The following MLXIP variants were observed in gnomAD, a reference collection of about 807,000 sequenced individuals.
The protein encoded by MLXIP is MLX interacting protein.
Under a neutral mutation model 87.2 loss-of-function variants are expected in MLXIP, and 30 were observed. The observed-to-expected ratio is 0.34, with a 90% CI of 0.26 to 0.47. The LOEUF (loss-of-function observed/expected upper bound fraction) is 0.47, where lower values mean the gene tolerates loss of function less well. Among genes scored for constraint, MLXIP ranks in the 20% least tolerant of loss-of-function variants. The probability of loss-of-function intolerance (pLI) is 1.00; values close to 1 mark genes in which losing one functional copy is unlikely to be tolerated. For missense variants in MLXIP, 1,002 were observed against 1,240.1 expected, an observed-to-expected ratio of 0.81 and a Z score of 2.88; for synonymous variants, 530 against 514.0, an observed-to-expected ratio of 1.03 and a Z score of -0.42.
At chr12:122,116,547 T>TG (rs1256042188) in intron 1 of MLXIP, among the ~76,000 whole-genome samples, 1 of 152,192 alleles carries the variant, frequency 6.6e-6, no homozygotes, top group Non-Finnish European at 1.5e-5. Context: ...AGGAGCACCT[T>TG]GGGGTCTGAT....
rs200410085 is a variant in MLXIP at position 122,132,310 on chromosome 12, G to A, written c.1019G>A (p.Arg340His). ...TTTTCAGACCTCTTCTCTTCTAGCC[G>A]CTCCATTTTTGGCTCCATGCTACCT... ...EPFQDLFSSS[R>H]SIFGSMLPAS... Residue 340 changes from arginine to histidine, a missense_variant, in exon 8 of 17, where the codon CGC (arginine) becomes CAC (histidine). Physicochemically the swap from Arg to His is conservative, Grantham distance 29. Coordinates refer to ENST00000319080, the MANE Select transcript of MLXIP (RefSeq NM_014938.6). The A allele has an allele frequency of 4.3e-5, 69 of 1,612,382 alleles. No homozygotes were observed. The highest frequency in any genetic ancestry group is 3.3e-4 in the Middle Eastern group (2 of 6,060).
At chr12:122,127,226 T>C in intron 1 of MLXIP, 30 bp from the exon 2 acceptor site, 3 of 1,554,730 alleles carry the variant, frequency 1.9e-6, no homozygotes, top group Non-Finnish European at 2.7e-6. Context: ...GAGTAACCAC[T>C]GAGTCTCCCC....
chr12:122,131,002 G>T, intron 7 of MLXIP, 69 bp downstream of exon 7: 1 of 1,067,280 alleles, frequency 9.4e-7, no homozygotes, highest in Non-Finnish European at 1.4e-6. Context: ...GCAGATCGCT[G>T]CCTTCCTTTA....
chr12:122,109,973 C>T (rs997366333), intron 1 of MLXIP, among the ~76,000 whole-genome samples: 2 of 152,046 alleles, frequency 1.3e-5, no homozygotes, highest in Admixed American at 6.6e-5. Flanking sequence ...TTCCTTTTGC[C>T]GAATGGAAGT....
At chr12:122,127,838 AG>A in intron 2 of MLXIP, 44 bp from the exon 3 acceptor site, 1 of 1,543,936 alleles carries the variant, frequency 6.5e-7, no homozygotes, top group South Asian at 1.1e-5. Flanking sequence ...GGGCTCCCTC[AG>A]GGGTCTGGAT....
Position 122,142,001 on chromosome 12 carries a change from C to T in MLXIP, c.*189C>T, listed in dbSNP as rs1178522093. The T allele has an allele frequency of 6.0e-6, 5 of 829,604 alleles. No homozygotes were observed. In the Admixed American group the frequency reaches 7.5e-5, roughly 12 times the overall value. The allele number at this position is 829,604 out of a possible 1,614,324, so 51.4% of individuals were successfully genotyped here. On this transcript the variant is annotated 3_prime_UTR_variant, in exon 17 of 17. Transcript: ENST00000319080. ...GTTTGGGGCCTGCTGACAGCAATAG[C>T]CCGCCTTTGGGAACCCCTTGCTGTG... is the stretch of plus-strand genomic sequence containing the variant.
chr12:122,138,267 A>G lies in MLXIP; in HGVS notation c.2228A>G (p.Asn743Ser), dbSNP rs77689868. ...FNIKMCFDML[N>S]SLISNNSKLT... ...ATCAAGATGTGCTTCGACATGCTCAACAGCCTCATCTCCAACAATTCCAAG... is the reference window on the plus strand; with the variant it reads ...ATCAAGATGTGCTTCGACATGCTCAGCAGCCTCATCTCCAACAATTCCAAG... The change falls in exon 13 of 17, where the codon AAC becomes AGC. Residue 743 changes from asparagine (N) to serine (S), a missense_variant. This residue lies in a region of MLXIP where 746 missense variants were observed against 897.0 expected (regional missense o/e 0.83). Transcript: ENST00000319080. 3 of 1,613,698 alleles carry G rather than the reference A, an allele frequency of 1.9e-6. No individual in the cohort carries two copies. The highest frequency in any genetic ancestry group is 2.5e-6 in the Non-Finnish European group (3 of 1,179,786).
At chr12:122,101,390 A>G (rs1179719809) in intron 1 of MLXIP, among the ~76,000 whole-genome samples, 6 of 148,468 alleles carry the variant, frequency 4.0e-5, no homozygotes, top group African/African-American at 1.5e-4. Context: ...CTGCAGCATC[A>G]TTTTCAGTTG....
chr12:122,101,693 G>A (rs990455950), intron 1 of MLXIP, among the ~76,000 whole-genome samples: 2 of 149,096 alleles, frequency 1.3e-5, no homozygotes, highest in Non-Finnish European at 3.0e-5. Flanking sequence ...CCATTCTCCT[G>A]CCGCAGCCTC....
Position 122,133,648 on chromosome 12 carries a change from C to G in MLXIP, c.1393C>G (p.Pro465Ala). The G allele has an allele frequency of 6.2e-7, 1 of 1,613,376 alleles. No homozygotes were observed. The highest frequency in any genetic ancestry group is 8.5e-7 in the Non-Finnish European group (1 of 1,179,730). ...PPATALNPPAPPTFHQPQKFA... is the reference protein window; with the variant it reads ...PPATALNPPAAPTFHQPQKFA... Reference sequence around the variant, plus strand: ...TGCCACTGCCCTGAACCCCCCGGCTCCACCCACCTTCCATCAGCCACAGAA... The same window carrying G: ...TGCCACTGCCCTGAACCCCCCGGCTGCACCCACCTTCCATCAGCCACAGAA... Residue 465 changes from proline (P) to alanine (A), a missense_variant, in exon 9 of 17, where the codon CCA becomes GCA. By Grantham distance (27) the Pro-to-Ala change is conservative. Transcript: ENST00000319080. This position sits in a 1 kb window ranked among gnomAD's most constrained non-coding sequence, Gnocchi z 4.9.
rs1316307522 is a variant in MLXIP, at chr12:122,137,493, A to G, written c.2057A>G (p.Gln686Arg). The part of the protein sequence containing the change: ...GPSRDCPNSG[Q>R]ASPCASEQSP... ...GGTCGGGACTGCCCAAACTCAGGGC[A>G]GGCCTCTCCGTGTGCATCGGAGCAG... The change falls in exon 12 of 17, where the codon CAG becomes CGG. Residue 686 changes from glutamine (Q) to arginine (R), a missense_variant. Coordinates refer to ENST00000319080, the MANE Select transcript of MLXIP (RefSeq NM_014938.6). This position sits in a 1 kb window ranked among gnomAD's most constrained non-coding sequence, Gnocchi z 4.1. 6.2e-7 allele frequency: 1 copy of G among 1,613,980 alleles called. No individual in the cohort carries two copies. The highest frequency in any genetic ancestry group is 8.5e-7 in the Non-Finnish European group (1 of 1,179,862).
rs978692763 is a variant in MLXIP, at chr12:122,142,593, C to G, written c.*781C>G. ...CAGCCCAGGGCCTTCTCGGATGTCA[C>G]CTCACCGCTGTGGCCCTTCTGCCGT... On this transcript the variant is annotated 3_prime_UTR_variant, in exon 17 of 17. Coordinates refer to ENST00000319080, the MANE Select transcript of MLXIP (RefSeq NM_014938.6). The G allele has an allele frequency of 6.4e-6, 2 of 312,344 alleles. No homozygotes were observed. Among genetic ancestry groups the G allele is most frequent in the African/African-American group, 4.3e-5 (2 of 46,134 alleles). 19.3% of individuals were successfully genotyped at this position (312,344 alleles called of 1,614,324 possible).
chr12:122,131,912 CTTTTTTTTTTTTTTTTT>C (rs60691591), intron 7 of MLXIP, among the ~76,000 whole-genome samples: 6 of 73,992 alleles, frequency 8.1e-5, no homozygotes, highest in South Asian at 5.5e-4. Context: ...TGGTTGGCAC[CTTTTTTTTTTTTTTTTT>C]TTTTTTTTTT....
intron 1 of MLXIP, among the ~76,000 whole-genome samples, chr12:122,091,563 T>G (rs1952245257): frequency 6.6e-6 from 1 of 152,116 alleles, no homozygotes; most frequent in Non-Finnish European, 1.5e-5. Flanking sequence ...AAAAAAAGAC[T>G]TTTTCTTCTT....
chr12:122,093,422 A>G (rs2135909329), intron 1 of MLXIP, among the ~76,000 whole-genome samples: 1 of 91,190 alleles, frequency 1.1e-5, no homozygotes, highest in Non-Finnish European at 2.2e-5. Context: ...TTGGTGTGTT[A>G]TATGTGGGGT....
Position 122,130,828 on chromosome 12 carries a change from T to G in MLXIP, c.911-16T>G, listed in dbSNP as rs767005501. ...CTGAGAAGACAAAATGGTTCCTCTC[T>G]CTGTGATTCTTGCAGCACATCTGGG... On this transcript the variant is annotated splice_polypyrimidine_tract_variant and intron_variant, in intron 6 of 16. Transcript: ENST00000319080. The G allele has an allele frequency of 1.3e-6, 2 of 1,595,620 alleles. No individual in the cohort carries two copies. The highest frequency in any genetic ancestry group is 1.7e-6 in the Non-Finnish European group (2 of 1,163,308).
At chr12:122,134,192 GT>G (rs1456414417) in intron 9 of MLXIP, 4 of 615,684 alleles carry the variant, frequency 6.5e-6, no homozygotes, top group Admixed American at 4.1e-5. Context: ...TATCTTTTTT[GT>G]TTTTTTGTTT....
chr12:122,122,827 G>A (rs1437747404), intron 1 of MLXIP, among the ~76,000 whole-genome samples: 1 of 151,536 alleles, frequency 6.6e-6, no homozygotes, highest in Non-Finnish European at 1.5e-5. Flanking sequence ...GATTACAGGC[G>A]TGAGCTACCG....
At chr12:122,102,553 C>T (rs1952453098) in intron 1 of MLXIP, among the ~76,000 whole-genome samples, 1 of 152,176 alleles carries the variant, frequency 6.6e-6, no homozygotes, top group Admixed American at 6.5e-5. Context: ...CAATTCCCTT[C>T]CTAAGAATCT....
Sources: gnomAD v4.1 joint callset for allele counts (sites outside exome capture counted in the v4.1 genomes callset) on GRCh38, gnomAD v4.1.1 for gene constraint, gnomAD v4.1.1 regional missense constraint, Gnocchi (gnomAD v3.1) non-coding constraint, MANE v1.5 for transcripts, NCBI Gene and HGNC (gene_info 2026-07-23, HGNC 2026-07-21) for gene names.